NFS1: variants seen among roughly 807,000 people sequenced by gnomAD.
NFS1 encodes the protein NFS1 cysteine desulfurase, also known as cysteine desulfurase.
NFS1 carries 26 observed loss-of-function variants against 57.3 expected under a neutral mutation model. The ratio of observed to expected loss-of-function variants is 0.45; its 90% confidence interval spans 0.33 to 0.63. NFS1 has a LOEUF of 0.63. NFS1 is among the 20% of genes least tolerant of loss of function. The pLI is 0.02. For synonymous variants in NFS1, 209 were observed against 216.3 expected (o/e 0.97, Z 0.30); for missense variants, 505 against 605.8 (o/e 0.83, Z 1.75).
At chr20:35,698,694 G>A (rs2035186382) in intron 1 of NFS1, 104 bp from the exon 2 acceptor site, 8 of 1,451,910 alleles carry the variant, frequency 5.5e-6, no homozygotes, top group Admixed American at 2.8e-5. Context: ...TGAGATAAGT[G>A]TAAGGGATGC....
In NFS1 at chr20:35,699,271, A is replaced by G; in HGVS notation, c.18T>C (p.Ala6=). The G allele has an allele frequency of 7.1e-7, 1 of 1,415,256 alleles. No homozygotes were observed. Among genetic ancestry groups the G allele is most frequent in the Non-Finnish European group, 9.1e-7 (1 of 1,094,410 alleles). 87.7% of individuals were successfully genotyped at this position (1,415,256 alleles called of 1,614,324 possible). The change falls in exon 1 of 13, where the codon GCT becomes GCC. Residue 6 remains alanine, a synonymous_variant. Transcript: ENST00000374092. The surrounding 1 kb of genome is among the most constrained non-coding windows in gnomAD (Gnocchi z 4.4). The part of the protein sequence containing the change: MLLRA[A]WRRAAVAVTA... Reference sequence around the variant, plus strand: ...TCACCGCCACTGCCGCCCGCCTCCAAGCGGCTCGGAGCAGCATGGTCCCGC... The same window carrying G: ...TCACCGCCACTGCCGCCCGCCTCCAGGCGGCTCGGAGCAGCATGGTCCCGC...
At position 35,669,302 on chromosome 20, in the gene NFS1, C is replaced by A. The variant is rs2034613692; in HGVS notation, c.*320G>T. 8.7e-6 allele frequency: 2 copies of A among 231,158 alleles called. No homozygotes were observed. The highest frequency in any genetic ancestry group is 1.7e-5 in the Non-Finnish European group (2 of 118,130). The allele number at this position is 231,158 out of a possible 1,614,324, so 14.3% of individuals were successfully genotyped here. A position where few individuals can be genotyped will look rare whatever the true frequency, so the allele number is the denominator to read the frequency against. ...TCATGGTCCCTGACCAAAGAGACTT[C>A]TTCTGGTTCCTCTTGCTCTCCTCAC... On this transcript the variant is annotated 3_prime_UTR_variant, in exon 13 of 13. Transcript: ENST00000374092.
chr20:35,698,996 C>T, intron 1 of NFS1, 196 bp downstream of exon 1: 2 of 1,321,964 alleles, frequency 1.5e-6, no homozygotes, highest in Middle Eastern at 2.6e-4. Flanking sequence ...GGGCCTGTCG[C>T]GCAGGGTGCG....
intron 12 of NFS1, 24 bp downstream of exon 12, chr20:35,672,731 G>C (rs750108772): frequency 1.3e-6 from 2 of 1,528,734 alleles, no homozygotes; most frequent in African/African-American, 2.7e-5. Flanking sequence ...TTCTTCCAAA[G>C]CGTCTCTGAT....
Position 35,674,408 on chromosome 20 carries a change from AT to A in NFS1, c.1077del (p.Tyr360MetfsTer8). 6.2e-7 allele frequency: 1 copy of A among 1,614,050 alleles called. No homozygotes were observed. The part of the protein sequence containing the change: ...HYPGCINLSF[A>X]YVEGESLLMA... ...ATCAGCAGACTTTCCCCTTCCACATATGCAAAGGAGAGGTTGATACAGCCTG... is the reference window on the plus strand; with the variant it reads ...ATCAGCAGACTTTCCCCTTCCACATAGCAAAGGAGAGGTTGATACAGCCTG... On this transcript the variant is annotated frameshift_variant, in exon 10 of 13. Coordinates refer to ENST00000374092, the MANE Select transcript of NFS1 (RefSeq NM_021100.5). LOFTEE classifies it high-confidence loss of function.
intron 2 of NFS1, among the ~76,000 whole-genome samples, chr20:35,698,005 C>A (rs2035169011): frequency 6.6e-6 from 1 of 152,174 alleles, no homozygotes; most frequent in Admixed American, 6.5e-5. Context: ...CATCCCAACT[C>A]GGATTGTTCT....
chr20:35,686,475 C>T (rs1346215207), intron 5 of NFS1, among the ~76,000 whole-genome samples: 1 of 151,622 alleles, frequency 6.6e-6, no homozygotes, highest in Non-Finnish European at 1.5e-5. Context: ...ACATTAAAAG[C>T]CAGTGAATTG....
At chr20:35,691,963 A>G (rs2035048562) in intron 4 of NFS1, among the ~76,000 whole-genome samples, 1 of 151,850 alleles carries the variant, frequency 6.6e-6, no homozygotes, top group South Asian at 2.1e-4. Flanking sequence ...AGGGAGGGTC[A>G]CCTAAGGTCG....
At chr20:35,669,777 T>C in intron 12 of NFS1, 92 bp from the exon 13 acceptor site, 3 of 1,097,138 alleles carry the variant, frequency 2.7e-6, no homozygotes, top group Admixed American at 1.7e-5. Flanking sequence ...CTTGCCTCCT[T>C]CTGTCCCTGT....
chr20:35,686,613 T>C (rs2034949258), intron 5 of NFS1, among the ~76,000 whole-genome samples: 1 of 151,930 alleles, frequency 6.6e-6, no homozygotes, highest in African/African-American at 2.4e-5. Context: ...TCAAAGGAAA[T>C]GGGAAATCTC....
At chr20:35,687,117 G>GA in intron 5 of NFS1, among the ~76,000 whole-genome samples, 1 of 152,168 alleles carries the variant, frequency 6.6e-6, no homozygotes, top group Non-Finnish European at 1.5e-5. Context: ...CAGTGTCAAG[G>GA]AAAAACACCC....
chr20:35,684,692 A>T (rs1158910271), intron 5 of NFS1, among the ~76,000 whole-genome samples: 1 of 150,164 alleles, frequency 6.7e-6, no homozygotes, highest in Non-Finnish European at 1.5e-5. Flanking sequence ...AGAGGTTGCA[A>T]TGAGCCAAGT....
In NFS1 at chr20:35,699,011, G is replaced by C. The variant is rs2035194552; in HGVS notation, c.97+181C>G. On this transcript the variant is annotated intron_variant, in intron 1 of 12. Transcript: ENST00000374092. The surrounding 1 kb of genome is among the most constrained non-coding windows in gnomAD (Gnocchi z 4.4). ...GGGCCTGTCGCGCAGGGTGCGAGGGGTGGTGCGCCGGGGTCAACCGTTCGG... is the reference window on the plus strand; with the variant it reads ...GGGCCTGTCGCGCAGGGTGCGAGGGCTGGTGCGCCGGGGTCAACCGTTCGG... The C allele has an allele frequency of 6.0e-6, 8 of 1,329,554 alleles. No individual in the cohort carries two copies. Among genetic ancestry groups the C allele is most frequent in the Non-Finnish European group, 7.7e-6 (8 of 1,043,894 alleles). 82.4% of individuals were successfully genotyped at this position (1,329,554 alleles called of 1,614,324 possible). A position where few individuals can be genotyped will look rare whatever the true frequency, so the allele number is the denominator to read the frequency against.
At chr20:35,681,820 C>A in intron 6 of NFS1, 68 bp downstream of exon 6, 2 of 858,958 alleles carry the variant, frequency 2.3e-6, no homozygotes, top group Non-Finnish European at 2.0e-6. Context: ...AGTATTACAG[C>A]TCTCAGTATA....
intron 4 of NFS1, among the ~76,000 whole-genome samples, 197 bp from the exon 5 acceptor site, chr20:35,690,762 A>G (rs1463665880): frequency 6.6e-6 from 1 of 152,200 alleles, no homozygotes; most frequent in Non-Finnish European, 1.5e-5. Flanking sequence ...TAAGGGCTCA[A>G]TCGTACAAGA....
In NFS1 at chr20:35,674,085, T is replaced by C. The variant is rs904980547; in HGVS notation, c.1136+265A>G. 8.2e-6 allele frequency: 4 copies of C among 488,756 alleles called. No individual in the cohort carries two copies. In the East Asian group the frequency reaches 1.1e-4, roughly 13 times the overall value. The allele number at this position is 488,756 out of a possible 1,614,324, so 30.3% of individuals were successfully genotyped here. A position where few individuals can be genotyped will look rare whatever the true frequency, so the allele number is the denominator to read the frequency against. ...CAATTCTAGAGGCCTGTAACAGAAC[T>C]GCTAGTGTAACCCACAACAGACACA... is the stretch of plus-strand genomic sequence containing the variant. On this transcript the variant is annotated intron_variant, in intron 10 of 12. Coordinates refer to ENST00000374092, the MANE Select transcript of NFS1 (RefSeq NM_021100.5).
chr20:35,697,627 C>T, intron 3 of NFS1, 57 bp downstream of exon 3: 1 of 1,160,654 alleles, frequency 8.6e-7, no homozygotes, highest in Non-Finnish European at 1.2e-6. Context: ...AGAAATGCCT[C>T]CCACAGGCCA....
chr20:35,671,447 T>C (rs2034652808), intron 12 of NFS1, among the ~76,000 whole-genome samples: 1 of 152,150 alleles, frequency 6.6e-6, no homozygotes. Context: ...GGCACACAGC[T>C]GTAGTCCTAG....
At chr20:35,691,972 C>A (rs1261902903) in intron 4 of NFS1, among the ~76,000 whole-genome samples, 6 of 151,720 alleles carry the variant, frequency 4.0e-5, no homozygotes, top group Non-Finnish European at 8.8e-5. Context: ...CACCTAAGGT[C>A]GGGAGTTCAA....
Sources: gnomAD v4.1 joint callset for allele counts (sites outside exome capture counted in the v4.1 genomes callset) on GRCh38, gnomAD v4.1.1 for gene constraint, Gnocchi (gnomAD v3.1) non-coding constraint, MANE v1.5 for transcripts, NCBI Gene and HGNC (gene_info 2026-07-23, HGNC 2026-07-21) for gene names.